The following STXBP4 variants were observed in gnomAD, a reference collection of about 807,000 sequenced individuals.
STXBP4 encodes syntaxin-binding protein 4.
Under a neutral mutation model 76.1 loss-of-function variants are expected in STXBP4, and 55 were observed. The observed-to-expected ratio is 0.72, with a 90% CI of 0.58 to 0.91. The LOEUF (loss-of-function observed/expected upper bound fraction) is 0.91, where lower values mean the gene tolerates loss of function less well. STXBP4 is among the 40% of genes least tolerant of loss of function. The pLI is 0.00. For synonymous variants in STXBP4, 201 were observed against 220.2 expected (o/e 0.91, Z 0.77); for missense variants, 618 against 636.9 (o/e 0.97, Z 0.32).
At chr17:55,209,042 A>G in the STXBP4 span, among the ~76,000 whole-genome samples, 1 of 152,182 alleles carries the variant, frequency 6.6e-6, no homozygotes, top group East Asian at 1.9e-4. Context: ...AGATCATGCC[A>G]CTGCTCTCCA....
intron 1 of STXBP4, among the ~76,000 whole-genome samples, chr17:54,978,002 T>C (rs371234346): frequency 1.3e-5 from 2 of 152,186 alleles, no homozygotes; most frequent in Admixed American, 6.5e-5. Flanking sequence ...GTCACTACAC[T>C]AGTACACTTT....
chr17:55,085,726 A>C (rs777223504), intron 16 of STXBP4, among the ~76,000 whole-genome samples: 23 of 152,082 alleles, frequency 1.5e-4, no homozygotes, highest in Non-Finnish European at 2.5e-4. Context: ...GTAACATTCA[A>C]AGACCCTCTG....
chr17:55,120,859 A>C (rs2079836136), intron 16 of STXBP4, among the ~76,000 whole-genome samples: 1 of 152,044 alleles, frequency 6.6e-6, no homozygotes, highest in Admixed American at 6.6e-5. Flanking sequence ...TTAGCCCTAC[A>C]AGTTCCATGC....
At chr17:55,097,308 T>C (rs2079499210) in intron 16 of STXBP4, among the ~76,000 whole-genome samples, 1 of 152,184 alleles carries the variant, frequency 6.6e-6, no homozygotes, top group South Asian at 2.1e-4. Flanking sequence ...TATAAAATGG[T>C]AAAAATGATG....
At chr17:54,969,387 T>A (rs1213494254) in intron 1 of STXBP4, among the ~76,000 whole-genome samples, 1 of 152,208 alleles carries the variant, frequency 6.6e-6, no homozygotes, top group Non-Finnish European at 1.5e-5. Context: ...CGGATTTTAC[T>A]GTGTTAGAAG....
At chr17:55,034,125 G>A in intron 9 of STXBP4, 43 bp from the exon 10 acceptor site, 1 of 1,409,560 alleles carries the variant, frequency 7.1e-7, no homozygotes, top group Non-Finnish European at 1.0e-6. Context: ...AGATTTAGAA[G>A]GGGTTAAATG....
chr17:55,146,463 G>A (rs1450715094), intron 17 of STXBP4, among the ~76,000 whole-genome samples: 2 of 152,150 alleles, frequency 1.3e-5, no homozygotes, highest in African/African-American at 4.8e-5. Flanking sequence ...TGTAATCCCA[G>A]CACTTTGGGA....
rs1350554508 is a variant in STXBP4 at position 55,163,936 on chromosome 17, C to T, written c.*4025C>T. The T allele has an allele frequency of 6.6e-6, 1 of 152,506 alleles. No homozygotes were observed. Among genetic ancestry groups the T allele is most frequent in the Non-Finnish European group, 1.5e-5 (1 of 68,012 alleles). 9.4% of individuals were successfully genotyped at this position (152,506 alleles called of 1,614,324 possible). On this transcript the variant is annotated 3_prime_UTR_variant, in exon 18 of 18. Coordinates refer to ENST00000376352, the MANE Select transcript of STXBP4 (RefSeq NM_178509.6). The stretch of plus-strand genomic sequence containing the variant: ...GTGATACTTTCATAAAGTGTTTGCA[C>T]AATTAGAAAATGTTATCCTTTTTCT...
In STXBP4 at chr17:55,074,309, A is replaced by G. The variant is rs564329997; in HGVS notation, c.1188+1233A>G. Among the ~76,000 whole-genome samples, 6 of 152,332 alleles carry G rather than the reference A, an allele frequency of 3.9e-5. No homozygotes were observed. In the East Asian group the frequency reaches 1.2e-3, roughly 29 times the overall value. On this transcript the variant is annotated intron_variant, in intron 13 of 17. Coordinates refer to ENST00000376352, the MANE Select transcript of STXBP4 (RefSeq NM_178509.6). ...ATTATTCACTTAAACCAATTCCACA[A>G]GAAGGCTGAAGTTCCCATCACCCTT...
chr17:55,049,942 A>G (rs2078837764), intron 12 of STXBP4, among the ~76,000 whole-genome samples: 3 of 152,098 alleles, frequency 2.0e-5, no homozygotes, highest in Admixed American at 1.3e-4. Flanking sequence ...CAGTCTCAAA[A>G]CTATATAAAT....
At chr17:55,103,749 T>G (rs1007942840) in intron 16 of STXBP4, among the ~76,000 whole-genome samples, 1 of 152,196 alleles carries the variant, frequency 6.6e-6, no homozygotes, top group African/African-American at 2.4e-5. Context: ...ACAGTATTGA[T>G]TCTCCTATCC....
chr17:54,997,120 A>G lies in STXBP4; in HGVS notation c.181-2225A>G, dbSNP rs549525891. 2.6e-5 allele frequency among the ~76,000 whole-genome samples: 4 copies of G among 152,288 alleles called. 1 individual carries two copies. The South Asian group carries it at 8.3e-4, about 32-fold the overall frequency. ...CTGAAGTTAGTATCTTCACATATACATTAATCCATCTGGGGCAGAATGCAC... is the reference window on the plus strand; with the variant it reads ...CTGAAGTTAGTATCTTCACATATACGTTAATCCATCTGGGGCAGAATGCAC... On this transcript the variant is annotated intron_variant, in intron 4 of 17. Coordinates refer to ENST00000376352, the MANE Select transcript of STXBP4 (RefSeq NM_178509.6).
chr17:55,082,923 A>G (rs2144921939), intron 16 of STXBP4, among the ~76,000 whole-genome samples: 1 of 152,322 alleles, frequency 6.6e-6, no homozygotes, highest in African/African-American at 2.4e-5. Flanking sequence ...AGAATCAATG[A>G]CACATTGCAT....
intron 11 of STXBP4, among the ~76,000 whole-genome samples, chr17:55,045,588 A>G (rs969139414): frequency 6.6e-6 from 1 of 152,126 alleles, no homozygotes; most frequent in South Asian, 2.1e-4. Context: ...TAACATTTCA[A>G]TAAGACTTCC....
rs112840730 is a variant in STXBP4, at chr17:54,999,589, A to G, written c.288-43A>G. ...CATTATCTTGGATTTCAGTTGTACTATATTCATAGCATATCCATAAAGTGA... is the reference window on the plus strand; with the variant it reads ...CATTATCTTGGATTTCAGTTGTACTGTATTCATAGCATATCCATAAAGTGA... On this transcript the variant is annotated intron_variant, in intron 5 of 17. Transcript: ENST00000376352. 3.9e-6 allele frequency: 6 copies of G among 1,550,510 alleles called. No homozygotes were observed. In the African/African-American group the frequency reaches 4.1e-5, roughly 11 times the overall value.
downstream of STXBP4, among the ~76,000 whole-genome samples, chr17:55,176,120 TA>T (rs1277148461): frequency 1.3e-5 from 2 of 152,202 alleles, no homozygotes; most frequent in African/African-American, 4.8e-5. Context: ...GCCCACCTTC[TA>T]GGGGCACAGA....
chr17:55,198,665 C>G, the STXBP4 span, among the ~76,000 whole-genome samples: 7 of 152,150 alleles, frequency 4.6e-5, no homozygotes, highest in Non-Finnish European at 8.8e-5. Flanking sequence ...TGAAGCAGAT[C>G]TGATATAAAA....
In STXBP4 at chr17:54,986,360, C is replaced by G. The variant is rs117167535; in HGVS notation, c.47+94C>G. The G allele has an allele frequency of 1.1e-3, 960 of 886,044 alleles. 13 individuals carry two copies. In the East Asian group the frequency reaches 0.024, roughly 22 times the overall value. 54.9% of individuals were successfully genotyped at this position (886,044 alleles called of 1,614,324 possible). On this transcript the variant is annotated intron_variant, in intron 3 of 17. Transcript: ENST00000376352. ...TAAAAGTTTTTTTACATCTAGCTCT[C>G]TAATGTGGTCTAGGATAGCAGCAAT... is the stretch of plus-strand genomic sequence containing the variant.
At chr17:55,075,976 G>A (rs537103915) in intron 13 of STXBP4, among the ~76,000 whole-genome samples, 2 of 152,082 alleles carry the variant, frequency 1.3e-5, no homozygotes, top group Non-Finnish European at 2.9e-5. Context: ...TTAGGCATTT[G>A]TGTTTCTCTG....
Sources: gnomAD v4.1 joint callset for allele counts (sites outside exome capture counted in the v4.1 genomes callset) on GRCh38, gnomAD v4.1.1 for gene constraint, MANE v1.5 for transcripts, NCBI Gene and HGNC (gene_info 2026-07-23, HGNC 2026-07-21) for gene names.